The following LIG3 variants were observed in gnomAD, a reference collection of about 807,000 sequenced individuals.
LIG3 encodes the protein DNA ligase 3.
LIG3 carries 58 observed loss-of-function variants against 110.9 expected under a neutral mutation model. The observed-to-expected ratio is 0.52, with a 90% CI of 0.42 to 0.65. LIG3 has a LOEUF of 0.65. LIG3 is among the 30% of genes least tolerant of loss of function. LIG3 has a pLI of 0.00. For missense variants in LIG3, 1,094 were observed against 1,273.8 expected (o/e 0.86, Z 2.15); for synonymous variants, 422 against 472.8 (o/e 0.89, Z 1.39).
At chr17:34,995,292 G>A (rs1277729125) in intron 9 of LIG3, among the ~76,000 whole-genome samples, 2 of 152,176 alleles carry the variant, frequency 1.3e-5, no homozygotes. Flanking sequence ...TGGCCTCATT[G>A]TGGAGCTTTA....
chr17:35,000,538 G>A (rs1046017915), intron 16 of LIG3, among the ~76,000 whole-genome samples: 4 of 151,818 alleles, frequency 2.6e-5, no homozygotes, highest in Admixed American at 6.6e-5. Context: ...GATTACAGGC[G>A]TGAGCCACTG....
chr17:34,994,463 CT>C (rs1567690515), intron 9 of LIG3, 32 bp downstream of exon 9: 1 of 1,602,560 alleles, frequency 6.2e-7, no homozygotes, highest in East Asian at 2.2e-5. Flanking sequence ...CCAGGACCGT[CT>C]TTCCCCTTTC....
Position 35,008,343 on chromosome 17 carries a change from T to G in LIG3, c.*3837T>G, listed in dbSNP as rs1460090549. ...GCAAGTTAGTTAGTTACAACAACAC[T>G]GAGCATCTTGACCAAGGTCACTTGG... is the stretch of plus-strand genomic sequence containing the variant. On this transcript the variant is annotated 3_prime_UTR_variant, in exon 20 of 20. Transcript: ENST00000378526. 6.6e-6 allele frequency: 1 copy of G among 152,280 alleles called. No individual in the cohort carries two copies. Among genetic ancestry groups the G allele is most frequent in the Non-Finnish European group, 1.5e-5 (1 of 68,062 alleles). 9.4% of individuals were successfully genotyped at this position (152,280 alleles called of 1,614,324 possible).
In LIG3 at chr17:35,005,318, A is replaced by G. The variant is rs139967396; in HGVS notation, c.*812A>G. ...CACCAACATGGAGACTTTGTACCATATCCCATTCTTAGTGCTCGAGTGTTC... is the reference window on the plus strand; with the variant it reads ...CACCAACATGGAGACTTTGTACCATGTCCCATTCTTAGTGCTCGAGTGTTC... On this transcript the variant is annotated 3_prime_UTR_variant, in exon 20 of 20. Coordinates refer to ENST00000378526, the MANE Select transcript of LIG3 (RefSeq NM_013975.4). 4 of 548,082 alleles carry G rather than the reference A, an allele frequency of 7.3e-6. No individual in the cohort carries two copies. The highest frequency in any genetic ancestry group is 1.5e-5 in the Non-Finnish European group (4 of 270,076). The allele number at this position is 548,082 out of a possible 1,614,324, so 34.0% of individuals were successfully genotyped here.
At chr17:35,002,288 C>G (rs1004648221) in intron 18 of LIG3, among the ~76,000 whole-genome samples, 184 bp downstream of exon 18, 1 of 152,138 alleles carries the variant, frequency 6.6e-6, no homozygotes, top group Non-Finnish European at 1.5e-5. Context: ...CTGCTGGGCA[C>G]CCTGTATCTG....
At chr17:35,001,768 G>A in intron 17 of LIG3, 141 bp from the exon 18 acceptor site, 1 of 726,024 alleles carries the variant, frequency 1.4e-6, no homozygotes, top group Non-Finnish European at 2.2e-6. Context: ...ATGGTGCCAA[G>A]GGAGCCAACT....
intron 4 of LIG3, among the ~76,000 whole-genome samples, chr17:34,990,462 T>A (rs2090707129): frequency 6.6e-6 from 1 of 152,226 alleles, no homozygotes; most frequent in Non-Finnish European, 1.5e-5. Flanking sequence ...GTATTTTTTG[T>A]AGAGACGGGG....
At position 34,998,313 on chromosome 17, in the gene LIG3, T is replaced by C. The variant is rs774831580; in HGVS notation, c.1989+17T>C. 10 of 1,603,998 alleles carry C rather than the reference T, an allele frequency of 6.2e-6. No individual in the cohort carries two copies. In the East Asian group the frequency reaches 1.6e-4, roughly 25 times the overall value. On this transcript the variant is annotated intron_variant, in intron 13 of 19. Coordinates refer to ENST00000378526, the MANE Select transcript of LIG3 (RefSeq NM_013975.4). The stretch of plus-strand genomic sequence containing the variant: ...GATGTGAAGGTAAAGTGGCCTCGCT[T>C]GGCTTCTCCTGTCGACTCACTCGCA...
intron 3 of LIG3, among the ~76,000 whole-genome samples, chr17:34,988,309 C>T (rs547757841): frequency 2.0e-4 from 30 of 151,834 alleles, no homozygotes; most frequent in African/African-American, 6.5e-4. Context: ...GGAAGGGCTC[C>T]GGTGTTGGGG....
intron 3 of LIG3, among the ~76,000 whole-genome samples, chr17:34,987,976 C>T (rs1051923093): frequency 4.0e-5 from 6 of 151,700 alleles, no homozygotes; most frequent in Non-Finnish European, 8.8e-5. Flanking sequence ...GGGCGGATCA[C>T]GAGGTCAGGA....
chr17:34,988,353 G>A (rs1330758984), intron 3 of LIG3, among the ~76,000 whole-genome samples: 1 of 152,082 alleles, frequency 6.6e-6, no homozygotes, highest in African/African-American at 2.4e-5. Context: ...GAAAGAGAGT[G>A]TTTTAGTTCT....
At chr17:34,985,959 A>AT (rs1320692473) in intron 2 of LIG3, 29 bp from the exon 3 acceptor site, 2 of 1,606,182 alleles carry the variant, frequency 1.2e-6, no homozygotes, top group Non-Finnish European at 1.7e-6. Flanking sequence ...TCACTGAAGG[A>AT]TATTTTATAC....
At chr17:34,980,698 C>A (rs1275042513) in intron 1 of LIG3, 76 bp downstream of exon 1, 11 of 871,916 alleles carry the variant, frequency 1.3e-5, no homozygotes, top group Non-Finnish European at 1.5e-5. Context: ...GCGAGGAGCT[C>A]GGCGCGGCCG....
intron 3 of LIG3, among the ~76,000 whole-genome samples, chr17:34,986,617 C>A (rs1404030661): frequency 5.3e-5 from 8 of 152,204 alleles, no homozygotes; most frequent in Non-Finnish European, 1.0e-4. Context: ...CCACTGCGCT[C>A]GGCCAGCATT....
At chr17:34,992,484 G>A in intron 7 of LIG3, 40 bp from the exon 8 acceptor site, 1 of 1,528,600 alleles carries the variant, frequency 6.5e-7, no homozygotes. Flanking sequence ...GTCAAACAAA[G>A]GCAGTGGTTT....
intron 12 of LIG3, 123 bp from the exon 13 acceptor site, chr17:34,998,096 C>T: frequency 1.3e-6 from 1 of 746,296 alleles, no homozygotes; most frequent in Admixed American, 2.8e-5. Flanking sequence ...CCCTTTGTCC[C>T]TTATATTTCA....
intron 11 of LIG3, 70 bp downstream of exon 11, chr17:34,996,723 T>TG (rs1037194793): frequency 1.5e-6 from 2 of 1,337,984 alleles, no homozygotes; most frequent in Admixed American, 3.4e-5. Flanking sequence ...GTGAGGAAGA[T>TG]GGGGGCTTCA....
chr17:34,984,520 G>A (rs1034636911), intron 2 of LIG3, among the ~76,000 whole-genome samples: 7 of 151,882 alleles, frequency 4.6e-5, no homozygotes, highest in Admixed American at 6.6e-5. Context: ...GTCTTATCCC[G>A]TATGTATCCT....
At chr17:34,980,742 C>A in intron 1 of LIG3, 120 bp downstream of exon 1, 2 of 447,444 alleles carry the variant, frequency 4.5e-6, no homozygotes, top group Non-Finnish European at 5.9e-6. Context: ...CCCCGCCCGC[C>A]TGCGGAGCCC....
Sources: gnomAD v4.1 joint callset for allele counts (sites outside exome capture counted in the v4.1 genomes callset) on GRCh38, gnomAD v4.1.1 for gene constraint, MANE v1.5 for transcripts, NCBI Gene and HGNC (gene_info 2026-07-23, HGNC 2026-07-21) for gene names.